Variants in SRGAP1 observed in about 807,000 individuals in gnomAD.
The protein encoded by SRGAP1 is SLIT-ROBO Rho GTPase-activating protein 1.
A neutral mutation model predicts 121.9 loss-of-function variants in SRGAP1; 43 were observed. The ratio of observed to expected loss-of-function variants is 0.35; its 90% CI spans 0.28 to 0.46. SRGAP1 has a LOEUF of 0.46. Among genes scored for constraint, SRGAP1 ranks in the 20% least tolerant of loss-of-function variants. The probability of loss-of-function intolerance (pLI) is 1.00; values close to 1 mark genes in which losing one functional copy is unlikely to be tolerated. For missense variants in SRGAP1, 1,102 were observed against 1,350.9 expected (o/e 0.82, Z 2.89); for synonymous variants, 447 against 485.4 (o/e 0.92, Z 1.04).
At chr12:64,079,676 A>AC (rs2035801642) in intron 9 of SRGAP1, among the ~76,000 whole-genome samples, 1 of 151,860 alleles carries the variant, frequency 6.6e-6, no homozygotes, top group Admixed American at 6.6e-5. Flanking sequence ...AGAGAGTGAG[A>AC]CCCCAACTCT....
At chr12:63,960,130 G>A (rs1015814102) in intron 1 of SRGAP1, among the ~76,000 whole-genome samples, 78 of 152,182 alleles carry the variant, frequency 5.1e-4, no homozygotes, top group African/African-American at 1.9e-3. Flanking sequence ...TGTGGAAAAT[G>A]CCTGCGTGTT....
At position 63,912,851 on chromosome 12, in the gene SRGAP1, G is replaced by A. The variant is rs546967331; in HGVS notation, c.67+67968G>A. Among the ~76,000 whole-genome samples the A allele has an allele frequency of 7.9e-5, 12 of 152,182 alleles. No homozygotes were observed. In the South Asian group the frequency reaches 2.5e-3, roughly 32 times the overall value. On this transcript the variant is annotated intron_variant, in intron 1 of 21. Transcript: ENST00000355086. ...GGGTTCATGGCCTGCAACACTAGCTGGAAAGAAAGAGGAAGTTTAGATAAT... is the reference window on the plus strand; with the variant it reads ...GGGTTCATGGCCTGCAACACTAGCTAGAAAGAAAGAGGAAGTTTAGATAAT...
rs1898845279 is a variant in SRGAP1, at chr12:63,844,857, T to C, written c.41T>C (p.Ile14Thr). 2 of 1,614,160 alleles carry C rather than the reference T, an allele frequency of 1.2e-6. No homozygotes were observed. The highest frequency in any genetic ancestry group is 1.1e-5 in the South Asian group (1 of 91,084). Residue 14 changes from isoleucine to threonine, a missense_variant, in exon 1 of 22, where the codon ATA (isoleucine) becomes ACA (threonine). Around this residue, in one of 3 missense-constraint regions of SRGAP1, gnomAD observed 747 missense variants for 929.4 expected, o/e 0.80. Coordinates refer to ENST00000355086, the MANE Select transcript of SRGAP1 (RefSeq NM_020762.4). The surrounding 1 kb of genome is among the most constrained non-coding windows in gnomAD (Gnocchi z 4.3). ...PSRFKKDKEI[I>T]AEYESQVKEI... ...CGATTCAAGAAGGACAAAGAGATCA[T>C]AGCCGAGTATGAAAGTCAAGTCAAA...
At chr12:63,890,350 A>G (rs888320719) in intron 1 of SRGAP1, among the ~76,000 whole-genome samples, 1 of 152,152 alleles carries the variant, frequency 6.6e-6, no homozygotes, top group African/African-American at 2.4e-5. Flanking sequence ...ATGTGAATGG[A>G]TGCTTCTCCC....
chr12:63,888,437 A>G (rs1266711953), intron 1 of SRGAP1: 2 of 152,046 alleles, frequency 1.3e-5, no homozygotes, highest in Non-Finnish European at 2.9e-5. Flanking sequence ...TAATCTGTAC[A>G]TGGTGATTTT....
At chr12:64,048,656 C>T (rs762869180) in intron 6 of SRGAP1, among the ~76,000 whole-genome samples, 12 of 152,118 alleles carry the variant, frequency 7.9e-5, no homozygotes, top group Non-Finnish European at 1.6e-4. Flanking sequence ...ACATCCTTAC[C>T]GGCTTTAGTT....
chr12:64,052,528 C>T (rs4763134), intron 6 of SRGAP1, among the ~76,000 whole-genome samples: 81,371 of 151,056 alleles, frequency 0.54, 22,685 homozygotes, highest in South Asian at 0.67. Context: ...GTACTCCAGC[C>T]TAGGCGACAA....
intron 1 of SRGAP1, among the ~76,000 whole-genome samples, chr12:63,889,356 T>C (rs1900499344): frequency 6.6e-6 from 1 of 152,194 alleles, no homozygotes; most frequent in African/African-American, 2.4e-5. Context: ...TTCAGAATTC[T>C]GTGCTGGGAG....
chr12:64,050,674 A>G (rs1593078516), intron 6 of SRGAP1, among the ~76,000 whole-genome samples: 1 of 152,202 alleles, frequency 6.6e-6, no homozygotes, highest in African/African-American at 2.4e-5. Context: ...TTATGTCTGG[A>G]TGATATGTCC....
At position 63,979,050 on chromosome 12, in the gene SRGAP1, T is replaced by TC. The variant is rs1481223900; in HGVS notation, c.68-4897_68-4896insC. On this transcript the variant is annotated intron_variant, in intron 1 of 21. Coordinates refer to ENST00000355086, the MANE Select transcript of SRGAP1 (RefSeq NM_020762.4). Reference sequence around the variant, plus strand: ...GAGACCCTTTGACCTTTTTTTTTTTTTTTTTTTTTTTTGAGATGGAGTCTC... The same window carrying TC: ...GAGACCCTTTGACCTTTTTTTTTTTTCTTTTTTTTTTTTGAGATGGAGTCTC... Among the ~76,000 whole-genome samples the TC allele has an allele frequency of 1.2e-4, 18 of 144,420 alleles. 1 individual carries two copies. The highest frequency in any genetic ancestry group is 1.2e-3 in the Admixed American group (17 of 14,420). The allele number at this position is 144,420 out of a possible 152,430, so 94.7% of individuals were successfully genotyped here. A position where few individuals can be genotyped will look rare whatever the true frequency, so the allele number is the denominator to read the frequency against.
At chr12:64,106,260 A>C (rs1592327142) in intron 15 of SRGAP1, among the ~76,000 whole-genome samples, 2 of 152,328 alleles carry the variant, frequency 1.3e-5, no homozygotes, top group South Asian at 2.1e-4. Flanking sequence ...AATAAATCAT[A>C]ATATGTATAA....
intron 4 of SRGAP1, among the ~76,000 whole-genome samples, chr12:64,029,331 A>G (rs2034723264): frequency 6.6e-6 from 1 of 152,184 alleles, no homozygotes; most frequent in African/African-American, 2.4e-5. Context: ...TTATAGGATT[A>G]TTTTTATTGC....
intron 1 of SRGAP1, among the ~76,000 whole-genome samples, chr12:63,860,114 T>G (rs1328903306): frequency 1.3e-5 from 2 of 152,124 alleles, no homozygotes; most frequent in African/African-American, 4.8e-5. Flanking sequence ...CAAGCAGTCC[T>G]CCCACCTCAG....
At chr12:63,974,815 A>G (rs1396637097) in intron 1 of SRGAP1, among the ~76,000 whole-genome samples, 1 of 152,186 alleles carries the variant, frequency 6.6e-6, no homozygotes, top group African/African-American at 2.4e-5. Context: ...TAAACTTCCT[A>G]GAAAATAACT....
intron 2 of SRGAP1, among the ~76,000 whole-genome samples, chr12:63,989,115 A>C (rs2033490318): frequency 1.3e-5 from 2 of 152,106 alleles, no homozygotes; most frequent in East Asian, 1.9e-4. Context: ...CAGCTGCAAA[A>C]ATTTTTTAAA....
intron 4 of SRGAP1, among the ~76,000 whole-genome samples, chr12:64,022,751 T>C (rs997556266): frequency 6.6e-6 from 1 of 152,028 alleles, no homozygotes; most frequent in South Asian, 2.1e-4. Flanking sequence ...CCTCTTAGAG[T>C]TGTTGAATGA....
At chr12:63,997,865 T>C (rs1415524513) in intron 3 of SRGAP1, among the ~76,000 whole-genome samples, 1 of 152,184 alleles carries the variant, frequency 6.6e-6, no homozygotes, top group Non-Finnish European at 1.5e-5. Flanking sequence ...CTTCTGACTA[T>C]GACGGCAGAT....
intron 1 of SRGAP1, among the ~76,000 whole-genome samples, chr12:63,923,940 G>A (rs754925896): frequency 1.3e-5 from 2 of 152,130 alleles, no homozygotes; most frequent in African/African-American, 2.4e-5. Context: ...TCAGGAGTTC[G>A]AGACCAGCCT....
chr12:64,026,411 A>G (rs1292718658), intron 4 of SRGAP1, among the ~76,000 whole-genome samples: 5 of 152,312 alleles, frequency 3.3e-5, no homozygotes, highest in South Asian at 2.1e-4. Flanking sequence ...AGAAATGTAA[A>G]AAATCATGTA....
Sources: allele counts gnomAD v4.1 joint callset (sites outside exome capture counted in the v4.1 genomes callset), GRCh38; gene constraint gnomAD v4.1.1; regional missense constraint gnomAD v4.1.1; non-coding constraint Gnocchi (gnomAD v3.1); transcripts MANE v1.5; gene names NCBI Gene and HGNC (gene_info 2026-07-23, HGNC 2026-07-21).